The following ATRX variants were observed in gnomAD, a reference collection of about 807,000 sequenced individuals.
ATRX encodes chromatin remodeler ATRX.
ATRX carries 12 observed loss-of-function variants against 172.6 expected under a neutral mutation model. That is an observed-to-expected ratio of 0.07 (90% CI 0.04 to 0.11). The LOEUF (loss-of-function observed/expected upper bound fraction) is 0.11, where lower values mean the gene tolerates loss of function less well. ATRX is among the 10% of genes least tolerant of loss of function. ATRX has a pLI of 1.00. For missense variants in ATRX, 1,368 were observed against 1,767.4 expected, an observed-to-expected ratio of 0.77 and a Z score of 4.05; for synonymous variants, 674 against 594.7, an observed-to-expected ratio of 1.13 and a Z score of -1.94.
intron 2 of ATRX, 43 bp downstream of exon 2, chrX:77,717,088 A>T: frequency 9.4e-7 from 1 of 1,067,514 alleles, no homozygotes; most frequent in East Asian, 3.0e-5. Flanking sequence ...AAAAAAAAAT[A>T]GAAAAAAGAC....
intron 11 of ATRX, 32 bp from the exon 12 acceptor site, chrX:77,663,590 C>T (rs782405981): frequency 8.6e-7 from 1 of 1,157,177 alleles, no homozygotes; most frequent in East Asian, 3.0e-5. Context: ...ATAAAACCTT[C>T]TTCAGCCTTT....
chrX:77,648,624 GTTT>G (rs137908641), intron 15 of ATRX, among the ~76,000 whole-genome samples: 4 of 91,242 alleles, frequency 4.4e-5, no homozygotes, highest in African/African-American at 7.9e-5. Flanking sequence ...CCAAAGCTGC[GTTT>G]TTTTTTTTTT....
chrX:77,565,365 C>A (rs1243641130), intron 28 of ATRX, among the ~76,000 whole-genome samples: 2 of 111,921 alleles, frequency 1.8e-5, no homozygotes, highest in African/African-American at 6.5e-5. Context: ...TAATAAGAAC[C>A]AGAAAAATCT....
At chrX:77,562,719 T>G (rs2065060738) in intron 28 of ATRX, among the ~76,000 whole-genome samples, 1 of 111,057 alleles carries the variant, frequency 9.0e-6, no homozygotes, top group Non-Finnish European at 1.9e-5. Context: ...TAATTGTATT[T>G]AATTTTTTGT....
intron 10 of ATRX, among the ~76,000 whole-genome samples, chrX:77,673,744 G>C (rs2070736568): frequency 9.0e-6 from 1 of 110,649 alleles, no homozygotes; most frequent in African/African-American, 3.3e-5. Context: ...AACAGAAAAA[G>C]TAAATAGTAG....
At chrX:77,533,827 CTT>C (rs1163433940) in intron 30 of ATRX, among the ~76,000 whole-genome samples, 2 of 112,009 alleles carry the variant, frequency 1.8e-5, no homozygotes. Context: ...GAAACATACT[CTT>C]ATCTCTTAAT....
At chrX:77,776,560 C>T (rs782114657) in intron 1 of ATRX, among the ~76,000 whole-genome samples, 1 of 112,071 alleles carries the variant, frequency 8.9e-6, no homozygotes, top group Admixed American at 9.5e-5. Flanking sequence ...AAAATTTCAT[C>T]AGTGACTTTT....
intron 5 of ATRX, among the ~76,000 whole-genome samples, chrX:77,694,856 T>G (rs184933527): frequency 1.2e-5 from 1 of 85,878 alleles, no homozygotes; most frequent in Admixed American, 1.6e-4. Context: ...TTTTGACAAG[T>G]TATAGCATCT....
At chrX:77,735,457 T>C (rs1342958286) in intron 1 of ATRX, among the ~76,000 whole-genome samples, 2 of 111,112 alleles carry the variant, frequency 1.8e-5, no homozygotes, top group Non-Finnish European at 3.8e-5. Context: ...GCCGGCACAG[T>C]GACGGACGCC....
chrX:77,652,490 G>T, intron 14 of ATRX, 137 bp from the exon 15 acceptor site: 123 of 387,976 alleles, frequency 3.2e-4, no homozygotes, highest in Non-Finnish European at 4.1e-4. Context: ...CAGCAATAGA[G>T]TAGTATTAAA....
intron 8 of ATRX, 151 bp from the exon 9 acceptor site, chrX:77,684,744 T>C (rs1213044518): frequency 1.0e-5 from 8 of 787,316 alleles, no homozygotes; most frequent in Non-Finnish European, 1.5e-5. Flanking sequence ...GTAATTTTAG[T>C]GGTAATTTAG....
chrX:77,582,975 C>T (rs1557074866), intron 27 of ATRX, among the ~76,000 whole-genome samples: 1 of 111,908 alleles, frequency 8.9e-6, no homozygotes, highest in African/African-American at 3.2e-5. Context: ...GAACAGAATA[C>T]TTCCAAACTC....
intron 30 of ATRX, among the ~76,000 whole-genome samples, chrX:77,533,141 C>T (rs2063635777): frequency 8.9e-6 from 1 of 112,260 alleles, no homozygotes; most frequent in African/African-American, 3.2e-5. Flanking sequence ...CAAAAAACAG[C>T]AGATGCTGGA....
At chrX:77,563,417 A>G (rs1303258635) in intron 28 of ATRX, among the ~76,000 whole-genome samples, 1 of 112,371 alleles carries the variant, frequency 8.9e-6, no homozygotes, top group African/African-American at 3.2e-5. Context: ...ATAATTAATA[A>G]GGATCACCAT....
intron 14 of ATRX, 44 bp from the exon 15 acceptor site, chrX:77,652,397 T>G: frequency 8.6e-7 from 1 of 1,158,507 alleles, no homozygotes; most frequent in African/African-American, 1.8e-5. Context: ...CAAAGTCATT[T>G]AATTTATCCA....
intron 7 of ATRX, among the ~76,000 whole-genome samples, chrX:77,687,591 T>C (rs2071649219): frequency 9.0e-6 from 1 of 111,368 alleles, no homozygotes; most frequent in Non-Finnish European, 1.9e-5. Context: ...GACAATCACA[T>C]AGATAAGAAA....
At chrX:77,549,691 T>C (rs1331652251) in intron 30 of ATRX, among the ~76,000 whole-genome samples, 2 of 112,394 alleles carry the variant, frequency 1.8e-5, no homozygotes, top group African/African-American at 6.5e-5. Flanking sequence ...ACTAAAAAGA[T>C]GCACAGATAC....
chrX:77,519,489 C>A (rs980833502), intron 34 of ATRX, among the ~76,000 whole-genome samples: 37 of 111,219 alleles, frequency 3.3e-4, no homozygotes, highest in African/African-American at 1.1e-3. Flanking sequence ...AATCCCAACA[C>A]TTTGGGAGGC....
At chrX:77,546,271 C>T (rs1243037710) in intron 30 of ATRX, among the ~76,000 whole-genome samples, 7 of 111,145 alleles carry the variant, frequency 6.3e-5, no homozygotes, top group Middle Eastern at 4.3e-3. Flanking sequence ...TAAGGTAATG[C>T]TAGTAAAATC....
Sources: gnomAD v4.1 joint callset for allele counts (sites outside exome capture counted in the v4.1 genomes callset) on GRCh38, gnomAD v4.1.1 for gene constraint, MANE v1.5 for transcripts, NCBI Gene and HGNC (gene_info 2026-07-23, HGNC 2026-07-21) for gene names.